Variants in CDH12 observed in about 807,000 individuals in gnomAD.
The protein encoded by CDH12 is cadherin-12.
CDH12 carries 41 observed loss-of-function variants against 74.1 expected under a neutral mutation model. The ratio of observed to expected loss-of-function variants is 0.55; its 90% CI spans 0.43 to 0.72. CDH12 has a LOEUF of 0.72. CDH12 is among the 30% of genes least tolerant of loss of function. CDH12 has a pLI of 0.00. For synonymous variants in CDH12, 399 were observed against 355.0 expected (o/e 1.12, Z -1.39); for missense variants, 945 against 977.2 (o/e 0.97, Z 0.44).
rs189112555 is a variant in CDH12 at position 22,255,369 on chromosome 5, A to G, written c.-332-42726T>C. On this transcript the variant is annotated intron_variant, in intron 3 of 14. Coordinates refer to ENST00000382254, the MANE Select transcript of CDH12 (RefSeq NM_004061.5). ...TATTATTTTTTACATACAAATACCT[A>G]TAATTATTAATTATAGATAGCATTT... Among the ~76,000 whole-genome samples, 1,200 of 151,916 alleles carry G rather than the reference A, an allele frequency of 7.9e-3. 19 individuals carry two copies. The highest frequency in any genetic ancestry group is 0.028 in the African/African-American group (1,146 of 41,536).
At chr5:21,950,695 C>G (rs115603639) in intron 6 of CDH12, among the ~76,000 whole-genome samples, 3,227 of 150,094 alleles carry the variant, frequency 0.021, 103 homozygotes, top group African/African-American at 0.06. Context: ...AAGAGAGAAA[C>G]AGTAAAATAA....
chr5:21,880,631 CTT>C (rs1195961886), intron 6 of CDH12, among the ~76,000 whole-genome samples: 4 of 84,996 alleles, frequency 4.7e-5, no homozygotes, highest in African/African-American at 1.3e-4. Flanking sequence ...TTCTTTCTTT[CTT>C]TCTTTCTTTC....
At chr5:22,395,627 A>G (rs1285151913) in intron 3 of CDH12, among the ~76,000 whole-genome samples, 1 of 152,114 alleles carries the variant, frequency 6.6e-6, no homozygotes, top group East Asian at 1.9e-4. Context: ...GACATATTAA[A>G]TATAAGATAT....
intron 1 of CDH12, among the ~76,000 whole-genome samples, chr5:22,703,366 G>T (rs999238847): frequency 6.6e-6 from 1 of 151,892 alleles, no homozygotes; most frequent in African/African-American, 2.4e-5. Flanking sequence ...TCTTTTCTCT[G>T]AATTTGATTT....
At chr5:22,066,186 T>C (rs928379835) in intron 5 of CDH12, among the ~76,000 whole-genome samples, 1 of 152,142 alleles carries the variant, frequency 6.6e-6, no homozygotes, top group Non-Finnish European at 1.5e-5. Flanking sequence ...CCATAGGTTT[T>C]TGGGGGAACA....
intron 1 of CDH12, among the ~76,000 whole-genome samples, chr5:22,562,209 T>C (rs930185580): frequency 2.0e-5 from 3 of 151,462 alleles, no homozygotes; most frequent in African/African-American, 7.3e-5. Flanking sequence ...CCCAGCTACT[T>C]GGGAGGCTGA....
intron 6 of CDH12, among the ~76,000 whole-genome samples, chr5:21,872,894 C>T (rs200569254): frequency 5.5e-5 from 8 of 146,750 alleles, no homozygotes; most frequent in South Asian, 2.2e-4. Context: ...ACCTATCATC[C>T]ATCTATCTAT....
intron 4 of CDH12, among the ~76,000 whole-genome samples, chr5:22,147,655 T>C (rs1747288740): frequency 6.6e-6 from 1 of 150,792 alleles, no homozygotes; most frequent in South Asian, 2.1e-4. Context: ...CTCACAATCA[T>C]GGCAGAAGGC....
chr5:21,942,485 AG>A lies in CDH12; in HGVS notation c.526+32605del, dbSNP rs571566774. On this transcript the variant is annotated intron_variant, in intron 6 of 14. Transcript: ENST00000382254. ...TTCTTATATTTTTAATTATATAACT[AG>A]TTACATAACATTATTTATATAATAC... is the stretch of plus-strand genomic sequence containing the variant. 2.6e-5 allele frequency among the ~76,000 whole-genome samples: 4 copies of A among 151,498 alleles called. No homozygotes were observed. The East Asian group carries it at 7.7e-4, about 29-fold the overall frequency.
intron 3 of CDH12, among the ~76,000 whole-genome samples, chr5:22,241,194 T>C (rs1476506855): frequency 1.3e-5 from 2 of 152,098 alleles, no homozygotes; most frequent in African/African-American, 2.4e-5. Flanking sequence ...GTATTTATTA[T>C]AAATACTATT....
At chr5:22,121,997 A>G (rs1377156207) in intron 4 of CDH12, among the ~76,000 whole-genome samples, 5 of 152,044 alleles carry the variant, frequency 3.3e-5, no homozygotes, top group Admixed American at 6.6e-5. Flanking sequence ...TCCTTCACCC[A>G]TGCCTGAATC....
At chr5:22,708,974 A>G (rs529516628) in intron 1 of CDH12, among the ~76,000 whole-genome samples, 18 of 152,272 alleles carry the variant, frequency 1.2e-4, no homozygotes, top group African/African-American at 4.3e-4. Context: ...CCTGACAGAA[A>G]GAGCACAGGG....
intron 2 of CDH12, among the ~76,000 whole-genome samples, chr5:22,503,171 T>G (rs2126659212): frequency 6.6e-6 from 1 of 152,260 alleles, no homozygotes; most frequent in Admixed American, 6.5e-5. Context: ...TTCCCTTTAC[T>G]TTTTTGCATG....
At chr5:21,926,554 T>C in intron 6 of CDH12, among the ~76,000 whole-genome samples, 1 of 152,226 alleles carries the variant, frequency 6.6e-6, no homozygotes, top group East Asian at 1.9e-4. Context: ...GCCAGCCTTA[T>C]GGCTTGAGAA....
intron 1 of CDH12, among the ~76,000 whole-genome samples, chr5:22,603,403 T>A (rs1171817758): frequency 6.6e-6 from 1 of 152,148 alleles, no homozygotes; most frequent in Non-Finnish European, 1.5e-5. Context: ...GGCAGTAGAT[T>A]AAAAGAATCT....
chr5:22,574,367 A>T (rs1474695877), intron 1 of CDH12, among the ~76,000 whole-genome samples: 1 of 152,012 alleles, frequency 6.6e-6, no homozygotes, highest in African/African-American at 2.4e-5. Context: ...CTTCAATTTC[A>T]GCATTCATTT....
chr5:21,753,431 A>G (rs1744208219), intron 14 of CDH12, among the ~76,000 whole-genome samples: 1 of 152,130 alleles, frequency 6.6e-6, no homozygotes, highest in Non-Finnish European at 1.5e-5. Flanking sequence ...TATGTGAGAG[A>G]CTGCAGACCT....
At chr5:22,670,747 CTT>C (rs1458409851) in intron 1 of CDH12, among the ~76,000 whole-genome samples, 1 of 151,922 alleles carries the variant, frequency 6.6e-6, no homozygotes, top group Non-Finnish European at 1.5e-5. Flanking sequence ...AAACTCTAGA[CTT>C]TTTATTTGCA....
chr5:22,085,306 T>C (rs907023282), intron 4 of CDH12, among the ~76,000 whole-genome samples: 5 of 152,158 alleles, frequency 3.3e-5, no homozygotes, highest in Non-Finnish European at 5.9e-5. Flanking sequence ...TCCCTAGTTA[T>C]TTATTTAAAT....
Sources: allele counts gnomAD v4.1 joint callset (sites outside exome capture counted in the v4.1 genomes callset), GRCh38; gene constraint gnomAD v4.1.1; transcripts MANE v1.5; gene names NCBI Gene and HGNC (gene_info 2026-07-23, HGNC 2026-07-21).